TANC1: variants seen among roughly 807,000 people sequenced by gnomAD.
TANC1 encodes the protein protein TANC1.
In TANC1, 77 loss-of-function variants were observed where a neutral mutation model predicts 149.7. The ratio of observed to expected loss-of-function variants is 0.51; its 90% confidence interval spans 0.43 to 0.62. The LOEUF (loss-of-function observed/expected upper bound fraction) is 0.62. Ranked by LOEUF, TANC1 falls within the 20% of genes least tolerant of loss-of-function variation. TANC1 has a pLI of 0.00. For synonymous variants in TANC1, 854 were observed against 925.0 expected, an observed-to-expected ratio of 0.92 and a Z score of 1.39; for missense variants, 1,985 against 2,321.8, an observed-to-expected ratio of 0.85 and a Z score of 2.98.
At chr2:159,127,525 A>G (rs894246263) in intron 4 of TANC1, among the ~76,000 whole-genome samples, 2 of 152,274 alleles carry the variant, frequency 1.3e-5, no homozygotes, top group African/African-American at 2.4e-5. Flanking sequence ...TTGTGGCACT[A>G]TTCACAATAG....
chr2:159,035,864 G>A (rs1488834595), intron 2 of TANC1, among the ~76,000 whole-genome samples: 2 of 152,204 alleles, frequency 1.3e-5, no homozygotes, highest in African/African-American at 4.8e-5. Context: ...ATGGGTTGCT[G>A]TAGGTGGGGA....
intron 2 of TANC1, among the ~76,000 whole-genome samples, chr2:159,031,315 G>C (rs903834151): frequency 6.6e-6 from 1 of 152,226 alleles, no homozygotes; most frequent in African/African-American, 2.4e-5. Context: ...CTGTGGGGAA[G>C]GAAGGGCCAT....
chr2:159,175,265 G>A (rs2055718646), intron 12 of TANC1, 81 bp downstream of exon 12: 23 of 1,159,620 alleles, frequency 2.0e-5, no homozygotes, highest in Non-Finnish European at 2.8e-5. Flanking sequence ...CAGGTGGTCA[G>A]CCGGGCTGGG....
intron 2 of TANC1, among the ~76,000 whole-genome samples, chr2:159,028,040 C>T (rs564194626): frequency 6.6e-6 from 1 of 152,316 alleles, no homozygotes; most frequent in East Asian, 1.9e-4. Flanking sequence ...AAGGCCTCAC[C>T]TCCACTCCAC....
chr2:159,231,110 A>AT lies in TANC1; in HGVS notation c.*106dup, dbSNP rs940158200. The AT allele has an allele frequency of 4.3e-5, 46 of 1,080,238 alleles. No individual in the cohort carries two copies. Among genetic ancestry groups the AT allele is most frequent in the African/African-American group, 1.8e-4 (11 of 62,516 alleles). 66.9% of individuals were successfully genotyped at this position (1,080,238 alleles called of 1,614,324 possible). On this transcript the variant is annotated 3_prime_UTR_variant, in exon 27 of 27. Transcript: ENST00000263635. ...TCATCAGAAAAATTATTTTTTAGCC[A>AT]TTTTTTTTCTTTGGGGTGGATCTGA...
At chr2:159,096,038 G>A (rs1186855023) in intron 3 of TANC1, among the ~76,000 whole-genome samples, 4 of 152,158 alleles carry the variant, frequency 2.6e-5, no homozygotes, top group Non-Finnish European at 4.4e-5. Context: ...GAGCCAGGAA[G>A]GCGTGGCAAG....
In TANC1 at chr2:159,007,499, T is replaced by G. The variant is rs1034384103; in HGVS notation, c.-16+6310T>G. 3.3e-5 allele frequency among the ~76,000 whole-genome samples: 5 copies of G among 152,198 alleles called. 1 individual carries two copies. Among genetic ancestry groups the G allele is most frequent in the Admixed American group, 2.0e-4 (3 of 15,282 alleles). The stretch of plus-strand genomic sequence containing the variant: ...TATGTTTAGATGTATAAGTACTTAC[T>G]ATTGTTTTACAGTTGCCTACAGTAT... On this transcript the variant is annotated intron_variant, in intron 2 of 26. Coordinates refer to ENST00000263635, the MANE Select transcript of TANC1 (RefSeq NM_033394.3).
chr2:159,156,225 A>G (rs933078815), intron 7 of TANC1, among the ~76,000 whole-genome samples: 4 of 152,206 alleles, frequency 2.6e-5, no homozygotes, highest in Non-Finnish European at 5.9e-5. Context: ...CTGGGTTAAT[A>G]TTCATTTTGC....
intron 1 of TANC1, among the ~76,000 whole-genome samples, chr2:158,974,739 G>T (rs2033414763): frequency 6.6e-6 from 1 of 150,726 alleles, no homozygotes; most frequent in Non-Finnish European, 1.5e-5. Context: ...GGCCTCCTTT[G>T]TATTTTATTT....
intron 3 of TANC1, among the ~76,000 whole-genome samples, chr2:159,079,275 C>T (rs1388711636): frequency 1.3e-5 from 2 of 151,484 alleles, no homozygotes; most frequent in Non-Finnish European, 2.9e-5. Context: ...AAGCGATCCT[C>T]CTGCCTTAGC....
intron 11 of TANC1, among the ~76,000 whole-genome samples, chr2:159,174,732 C>T (rs1185542242): frequency 6.6e-6 from 1 of 152,130 alleles, no homozygotes; most frequent in Non-Finnish European, 1.5e-5. Flanking sequence ...GATTTTTATG[C>T]TAATCAAGAT....
At chr2:159,162,154 A>AC (rs1488787534) in intron 7 of TANC1, among the ~76,000 whole-genome samples, 1 of 152,176 alleles carries the variant, frequency 6.6e-6, no homozygotes, top group African/African-American at 2.4e-5. Flanking sequence ...ACAAAGCTAA[A>AC]CCCTTCAGAC....
At chr2:159,143,092 C>CA (rs139583150) in intron 5 of TANC1, among the ~76,000 whole-genome samples, 85 of 94,834 alleles carry the variant, frequency 9.0e-4, no homozygotes, top group African/African-American at 2.1e-3. Flanking sequence ...CAAAACAAAA[C>CA]AAAAAAAAAC....
At chr2:159,140,893 G>A (rs1364629624) in intron 5 of TANC1, among the ~76,000 whole-genome samples, 2 of 152,008 alleles carry the variant, frequency 1.3e-5, no homozygotes, top group African/African-American at 2.4e-5. Context: ...GTTTTGCCAT[G>A]TTAGCCAAGC....
intron 19 of TANC1, among the ~76,000 whole-genome samples, chr2:159,215,238 C>T (rs115889010): frequency 0.04 from 6,127 of 152,264 alleles, 395 homozygotes; most frequent in African/African-American, 0.14. Context: ...CCAGATAGAA[C>T]GCAGAGCTCA....
chr2:159,114,178 C>T (rs2150043203), intron 4 of TANC1, among the ~76,000 whole-genome samples: 1 of 152,256 alleles, frequency 6.6e-6, no homozygotes, highest in Non-Finnish European at 1.5e-5. Context: ...AGACAACGAG[C>T]TGATACCAAA....
chr2:158,975,050 C>G (rs1390946311), intron 1 of TANC1, among the ~76,000 whole-genome samples: 2 of 151,872 alleles, frequency 1.3e-5, no homozygotes, highest in African/African-American at 4.8e-5. Context: ...CCCCCCAGTC[C>G]TCCTTCATAC....
chr2:159,101,343 A>G (rs2046680747), intron 4 of TANC1, among the ~76,000 whole-genome samples: 1 of 152,228 alleles, frequency 6.6e-6, no homozygotes, highest in Admixed American at 6.5e-5. Context: ...AAAAATATGT[A>G]TGTTAATACA....
At chr2:159,160,359 A>G (rs1480582405) in intron 7 of TANC1, among the ~76,000 whole-genome samples, 1 of 152,132 alleles carries the variant, frequency 6.6e-6, no homozygotes, top group Non-Finnish European at 1.5e-5. Flanking sequence ...AAGTCATCAC[A>G]GTTAAGATGC....
Sources: gnomAD v4.1 joint callset for allele counts (sites outside exome capture counted in the v4.1 genomes callset) on GRCh38, gnomAD v4.1.1 for gene constraint, MANE v1.5 for transcripts, NCBI Gene and HGNC (gene_info 2026-07-23, HGNC 2026-07-21) for gene names.